The following SCFD2 variants were observed in gnomAD, a reference collection of about 807,000 sequenced individuals.
SCFD2 encodes the protein sec1 family domain-containing protein 2.
SCFD2 carries 54 observed loss-of-function variants against 58.9 expected under a neutral mutation model. That is an observed-to-expected ratio of 0.92 (90% CI 0.74 to 1.15). The LOEUF is 1.15. Among genes scored for constraint, SCFD2 ranks in the 50% most tolerant of loss-of-function variants. SCFD2 has a pLI of 0.00. For missense variants in SCFD2, 805 were observed against 836.6 expected (o/e 0.96, Z 0.47); for synonymous variants, 321 against 335.9 (o/e 0.96, Z 0.49).
At chr4:53,086,872 T>C (rs982608979) in intron 5 of SCFD2, among the ~76,000 whole-genome samples, 1 of 152,068 alleles carries the variant, frequency 6.6e-6, no homozygotes, top group African/African-American at 2.4e-5. Context: ...TGGATAGTTA[T>C]CAGAGGCTGG....
chr4:53,174,403 A>G (rs1309412348), intron 4 of SCFD2, among the ~76,000 whole-genome samples: 1 of 152,194 alleles, frequency 6.6e-6, no homozygotes, highest in Non-Finnish European at 1.5e-5. Context: ...ATGAAATTGT[A>G]AAAAATATAT....
intron 5 of SCFD2, among the ~76,000 whole-genome samples, chr4:53,085,712 G>T (rs1724286468): frequency 6.6e-6 from 1 of 152,014 alleles, no homozygotes; most frequent in Admixed American, 6.6e-5. Context: ...ACATAATAGA[G>T]AATCCAGAAA....
chr4:53,123,126 T>G (rs1413848014), intron 5 of SCFD2, among the ~76,000 whole-genome samples: 1 of 152,204 alleles, frequency 6.6e-6, no homozygotes. Context: ...TTTCAATGAA[T>G]AGCATGCTGG....
chr4:53,253,539 C>A (rs1323208538), intron 4 of SCFD2, among the ~76,000 whole-genome samples: 3 of 152,128 alleles, frequency 2.0e-5, no homozygotes, highest in African/African-American at 7.2e-5. Context: ...CACATATACA[C>A]CATGGAATAC....
intron 2 of SCFD2, among the ~76,000 whole-genome samples, chr4:53,334,008 T>A (rs920698825): frequency 6.1e-4 from 93 of 151,542 alleles, no homozygotes; most frequent in African/African-American, 2.1e-3. Flanking sequence ...AAATGCTCAT[T>A]ATCACTGGCC....
chr4:53,272,877 A>G (rs1731217797), intron 4 of SCFD2, among the ~76,000 whole-genome samples: 1 of 152,196 alleles, frequency 6.6e-6, no homozygotes, highest in African/African-American at 2.4e-5. Context: ...GAACCTTGAG[A>G]GAAAAAAGCA....
intron 5 of SCFD2, among the ~76,000 whole-genome samples, chr4:53,121,343 GTTCCTACCA>G (rs1198142752): frequency 6.6e-6 from 1 of 152,156 alleles, no homozygotes; most frequent in Non-Finnish European, 1.5e-5. Context: ...ACTCCCACCA[GTTCCTACCA>G]TTCCTTGCAT....
In SCFD2 at chr4:53,090,914, T is replaced by C. The variant is rs371167945; in HGVS notation, c.1561+54419A>G. On this transcript the variant is annotated intron_variant, in intron 5 of 8. Transcript: ENST00000401642. ...CAATTGAAGTTTACATAAAGGGACT[T>C]GTTTACGTCCAAGAATTGATAACAA... 1.6e-4 allele frequency among the ~76,000 whole-genome samples: 25 copies of C among 152,290 alleles called. No homozygotes were observed. In the South Asian group the frequency reaches 4.8e-3, roughly 29 times the overall value.
intron 3 of SCFD2, among the ~76,000 whole-genome samples, chr4:53,313,303 A>C (rs1577959113): frequency 1.3e-5 from 2 of 152,322 alleles, no homozygotes; most frequent in East Asian, 3.9e-4. Context: ...TAGGGGAAGA[A>C]TGGGGGAAAA....
At chr4:53,362,974 T>G (rs1036313761) in intron 1 of SCFD2, among the ~76,000 whole-genome samples, 10 of 152,002 alleles carry the variant, frequency 6.6e-5, no homozygotes, top group African/African-American at 2.4e-4. Flanking sequence ...AAATACAGAT[T>G]TGTTTAGTGG....
intron 4 of SCFD2, among the ~76,000 whole-genome samples, chr4:53,200,113 T>C (rs764902638): frequency 6.6e-6 from 1 of 152,092 alleles, no homozygotes; most frequent in Non-Finnish European, 1.5e-5. Flanking sequence ...CACAATCACA[T>C]TGGAGGTTAG....
At chr4:52,964,374 TAG>T in intron 5 of SCFD2, among the ~76,000 whole-genome samples, 1 of 152,174 alleles carries the variant, frequency 6.6e-6, no homozygotes, top group African/African-American at 2.4e-5. Context: ...AAGTCATCAG[TAG>T]TAACTGCTAA....
chr4:52,890,071 T>C (rs1418083356), intron 7 of SCFD2, among the ~76,000 whole-genome samples: 2 of 152,242 alleles, frequency 1.3e-5, no homozygotes, highest in African/African-American at 4.8e-5. Flanking sequence ...CCCTTTGCTT[T>C]ATGCATAGTT....
At chr4:53,098,770 A>T (rs534991946) in intron 5 of SCFD2, among the ~76,000 whole-genome samples, 2 of 151,740 alleles carry the variant, frequency 1.3e-5, no homozygotes, top group South Asian at 4.2e-4. Flanking sequence ...ACTCTCTCTG[A>T]CTCCCTTAAT....
intron 4 of SCFD2, among the ~76,000 whole-genome samples, chr4:53,247,537 CACCATGGAAT>C (rs1335651043): frequency 6.6e-6 from 1 of 152,162 alleles, no homozygotes; most frequent in Non-Finnish European, 1.5e-5. Flanking sequence ...GATACATATA[CACCATGGAAT>C]ACTATGCAGC....
At chr4:53,231,842 A>T (rs1054159251) in intron 4 of SCFD2, among the ~76,000 whole-genome samples, 7 of 152,048 alleles carry the variant, frequency 4.6e-5, no homozygotes, top group Non-Finnish European at 1.0e-4. Flanking sequence ...AAACTTACCT[A>T]AAAAAATTAA....
At chr4:53,285,956 T>C (rs1446422937) in intron 3 of SCFD2, among the ~76,000 whole-genome samples, 22 of 152,144 alleles carry the variant, frequency 1.4e-4, no homozygotes, top group Admixed American at 1.4e-3. Context: ...CACAACCCCG[T>C]GGCCCAAGCT....
intron 5 of SCFD2, among the ~76,000 whole-genome samples, chr4:52,961,653 T>C (rs1720854821): frequency 6.6e-6 from 1 of 152,138 alleles, no homozygotes; most frequent in South Asian, 2.1e-4. Context: ...TGCAAAGCAA[T>C]GGAATAAGAA....
chr4:52,967,259 C>A (rs1720983790), intron 5 of SCFD2, among the ~76,000 whole-genome samples: 1 of 152,170 alleles, frequency 6.6e-6, no homozygotes, highest in Admixed American at 6.5e-5. Context: ...GTTCTCTACC[C>A]TGGGGTTGGC....
Sources: allele counts gnomAD v4.1 joint callset (sites outside exome capture counted in the v4.1 genomes callset), GRCh38; gene constraint gnomAD v4.1.1; transcripts MANE v1.5; gene names NCBI Gene and HGNC (gene_info 2026-07-23, HGNC 2026-07-21).